The following STAB1 variants were observed in gnomAD, a reference collection of about 807,000 sequenced individuals.
STAB1 encodes stabilin 1, also known as stabilin-1.
In STAB1, 250 loss-of-function variants were observed where a neutral mutation model predicts 332.4. That is an observed-to-expected ratio of 0.75 (90% CI 0.68 to 0.84). STAB1 has a LOEUF of 0.84. Among genes scored for constraint, STAB1 ranks in the 40% least tolerant of loss-of-function variants. The probability of loss-of-function intolerance (pLI) is 0.00; values close to 1 mark genes in which losing one functional copy is unlikely to be tolerated. For missense variants in STAB1, 3,249 were observed against 3,489.7 expected (o/e 0.93, Z 1.74); for synonymous variants, 1,475 against 1,390.4 (o/e 1.06, Z -1.35).
At position 52,518,828 on chromosome 3, in the gene STAB1, A is replaced by AGAGGAC. The variant is rs747679196; in HGVS notation, c.4993_4994insGAGGAC (p.Thr1665delinsArgGlyPro). 1 of 1,609,164 alleles carries AGAGGAC rather than the reference A, an allele frequency of 6.2e-7. No individual in the cohort carries two copies. Among genetic ancestry groups the AGAGGAC allele is most frequent in the Non-Finnish European group, 8.5e-7 (1 of 1,179,332 alleles). On this transcript the variant is annotated protein_altering_variant, in exon 48 of 69. Coordinates refer to ENST00000321725, the MANE Select transcript of STAB1 (RefSeq NM_015136.3). ...GGACCTGCTGGAGCAGGGGTACGCC[A>AGAGGAC]CGGCCCTCTCAGGGCACCCACTGCG...
chr3:52,519,231 A>G, intron 48 of STAB1, 33 bp from the exon 49 acceptor site: 1 of 1,596,892 alleles, frequency 6.3e-7, no homozygotes, highest in Non-Finnish European at 8.5e-7. Context: ...CACCCCACCT[A>G]TCTGCTTCAT....
In STAB1 at chr3:52,516,683, C is replaced by T; in HGVS notation, c.4287-9C>T. 6.2e-7 allele frequency: 1 copy of T among 1,612,436 alleles called. No homozygotes were observed. The highest frequency in any genetic ancestry group is 8.5e-7 in the Non-Finnish European group (1 of 1,179,906). ...GCATGGGCTAAGCTGCTGCTACCAC[C>T]CCTCCCAGCTGCGTGCAGGACTCGG... On this transcript the variant is annotated splice_polypyrimidine_tract_variant and intron_variant, in intron 40 of 68. Coordinates refer to ENST00000321725, the MANE Select transcript of STAB1 (RefSeq NM_015136.3).
chr3:52,513,633 C>T, intron 30 of STAB1, 84 bp from the exon 31 acceptor site: 1 of 1,408,802 alleles, frequency 7.1e-7, no homozygotes, highest in South Asian at 1.2e-5. Context: ...GCCTGTGTGC[C>T]TGGCAGTCTC....
At chr3:52,509,188 C>T (rs1241593072) in intron 21 of STAB1, 22 bp from the exon 22 acceptor site, 1 of 1,608,534 alleles carries the variant, frequency 6.2e-7, no homozygotes, top group Non-Finnish European at 8.5e-7. Context: ...ATGACTGATC[C>T]TGCCTTCTGC....
rs768708874 is a variant in STAB1 at position 52,504,105 on chromosome 3, C to T, written c.1100C>T (p.Thr367Met). The change falls in exon 10 of 69, where the codon ACG (threonine) becomes ATG (methionine). Residue 367 changes from threonine (T) to methionine (M), a missense_variant. Thr to Met is a moderately conservative substitution (Grantham distance 81). Coordinates refer to ENST00000321725, the MANE Select transcript of STAB1 (RefSeq NM_015136.3). ...CTGCTCCACGAGGTGCAGAAGGCCA[C>T]GCAGACAGGCCGGGTGTTCCTGCAG... ...GHLLHEVQKA[T>M]QTGRVFLQLR... The T allele has an allele frequency of 3.2e-5, 51 of 1,590,936 alleles. No homozygotes were observed. Among genetic ancestry groups the T allele is most frequent in the South Asian group, 6.8e-5 (6 of 88,100 alleles).
chr3:52,511,796 T>A, intron 26 of STAB1, 51 bp downstream of exon 26: 1 of 1,422,608 alleles, frequency 7.0e-7, no homozygotes, highest in South Asian at 1.3e-5. Flanking sequence ...GGGGTGAGCC[T>A]GGGCTGCAGC....
intron 30 of STAB1, among the ~76,000 whole-genome samples, chr3:52,513,446 G>T (rs1328488342): frequency 1.3e-5 from 2 of 152,186 alleles, no homozygotes; most frequent in Non-Finnish European, 2.9e-5. Context: ...GCCTGCAGGG[G>T]CTCTCTGTCC....
rs199702251 is a variant in STAB1 at position 52,522,129 on chromosome 3, G to A, written c.6364G>A (p.Asp2122Asn). The change falls in exon 59 of 69, where the codon GAC (aspartate) becomes AAC (asparagine). Residue 2122 changes from aspartate to asparagine, a missense_variant. By Grantham distance (23) the Asp-to-Asn change is conservative. Coordinates refer to ENST00000321725, the MANE Select transcript of STAB1 (RefSeq NM_015136.3). Reference sequence around the variant, plus strand: ...AATGGTCACTTGTACCTGCCTGCCCGACTACGAGGGTGATGGCTGGAGCTG... The same window carrying A: ...AATGGTCACTTGTACCTGCCTGCCCAACTACGAGGGTGATGGCTGGAGCTG... ...GTMVTCTCLP[D>N]YEGDGWSCRA... is the part of the protein sequence containing the mutation. 7.8e-5 allele frequency: 126 copies of A among 1,612,930 alleles called. 1 individual carries two copies. The highest frequency in any genetic ancestry group is 2.0e-4 in the South Asian group (18 of 91,086).
At chr3:52,506,908 G>C in intron 18 of STAB1, 58 bp downstream of exon 18, 2 of 1,585,962 alleles carry the variant, frequency 1.3e-6, no homozygotes, top group Middle Eastern at 3.4e-4. Context: ...GCGCTGGAGC[G>C]GCAATCCTCT....
chr3:52,512,319 C>T (rs1559695692), intron 26 of STAB1, 22 bp from the exon 27 acceptor site: 1 of 1,609,666 alleles, frequency 6.2e-7, no homozygotes. Context: ...TGAATGGAGG[C>T]CCTTTCTCAC....
Position 52,505,729 on chromosome 3 carries a change from A to G in STAB1, c.1643A>G (p.Asn548Ser). The change falls in exon 15 of 69, where the codon AAT becomes AGT. Residue 548 changes from asparagine (N) to serine (S), a missense_variant. By Grantham distance (46) the Asn-to-Ser change is conservative. Coordinates refer to ENST00000321725, the MANE Select transcript of STAB1 (RefSeq NM_015136.3). ...PGPFTVFAPS[N>S]EAVDSLRDGR... ...CCCTTCACAGTCTTTGCCCCAAGCA[A>G]TGAGGCTGTGGACAGCTTGCGTGAC... is the stretch of plus-strand genomic sequence containing the variant. The G allele has an allele frequency of 1.2e-6, 2 of 1,613,868 alleles. No individual in the cohort carries two copies. The highest frequency in any genetic ancestry group is 2.2e-5 in the South Asian group (2 of 91,084).
In STAB1 at chr3:52,501,223, T is replaced by C; in HGVS notation, c.136T>C (p.Ser46Pro). ...TTFVTHVPCT[S>P]CAAIKKQTCP... ...GTTTGTCACTCATGTACCCTGCACC[T>C]CGTGCGCGGCCATCAAGAAGCAGAC... is the stretch of plus-strand genomic sequence containing the variant. The change falls in exon 2 of 69, where the codon TCG becomes CCG. Residue 46 changes from serine (S) to proline (P), a missense_variant. Coordinates refer to ENST00000321725, the MANE Select transcript of STAB1 (RefSeq NM_015136.3). 1 of 1,613,754 alleles carries C rather than the reference T, an allele frequency of 6.2e-7. No individual in the cohort carries two copies. Among genetic ancestry groups the C allele is most frequent in the East Asian group, 2.2e-5 (1 of 44,876 alleles).
rs957741642 is a variant in STAB1 at position 52,518,368 on chromosome 3, C to T, written c.4809+9C>T. On this transcript the variant is annotated intron_variant, in intron 46 of 68. Transcript: ENST00000321725. ...TCAGCCTCCGCCTCCTGGTGAGTGG[C>T]CAGCTTGGGCCTCTGTGACCTGCAA... 5 of 1,611,416 alleles carry T rather than the reference C, an allele frequency of 3.1e-6. No homozygotes were observed. The East Asian group carries it at 1.1e-4, about 36-fold the overall frequency.
Position 52,516,025 on chromosome 3 carries a change from C to G in STAB1, c.3949-18C>G. On this transcript the variant is annotated intron_variant, in intron 37 of 68. Transcript: ENST00000321725. The stretch of plus-strand genomic sequence containing the variant: ...TGCTGGGCCTCTCTCGCCCTCTCTC[C>G]CATCCCCACGCCGACAGGTGCCGGA... The G allele has an allele frequency of 6.3e-7, 1 of 1,590,266 alleles. No homozygotes were observed.
At chr3:52,504,289 T>C in intron 10 of STAB1, 134 bp downstream of exon 10, 5 of 1,451,532 alleles carry the variant, frequency 3.4e-6, no homozygotes, top group African/African-American at 1.4e-5. Context: ...CTGTGGGGGG[T>C]GCATGCAGGG....
intron 15 of STAB1, 23 bp from the exon 16 acceptor site, chr3:52,505,860 A>G: frequency 6.2e-7 from 1 of 1,613,970 alleles, no homozygotes; most frequent in South Asian, 1.1e-5. Context: ...TCCAGGAGCC[A>G]AACCCTCTCT....
Position 52,521,874 on chromosome 3 carries a change from C to T in STAB1, c.6194C>T (p.Ala2065Val), listed in dbSNP as rs1254940104. 6.2e-7 allele frequency: 1 copy of T among 1,604,566 alleles called. No individual in the cohort carries two copies. The highest frequency in any genetic ancestry group is 1.7e-5 in the Admixed American group (1 of 59,614). The change falls in exon 58 of 69, where the codon GCA becomes GTA. Residue 2065 changes from alanine (A) to valine (V), a missense_variant. By Grantham distance (64) the Ala-to-Val change is moderately conservative (BLOSUM62 0). Transcript: ENST00000321725. ...CAGCCTGTGTGTACCCCACCCTGTG[C>T]ACCCGAGGCTGTGTGCCGTGCAGGC... is the stretch of plus-strand genomic sequence containing the variant. ...ELQPVCTPPCAPEAVCRAGNS... is the reference protein window; with the variant it reads ...ELQPVCTPPCVPEAVCRAGNS...
chr3:52,519,440 G>A (rs138970225), intron 49 of STAB1, 36 bp downstream of exon 49: 18,251 of 1,611,830 alleles, frequency 0.011, 158 homozygotes, highest in Middle Eastern at 0.013. Context: ...TGGAAGACAG[G>A]CAGGTGGGGG....
Position 52,501,711 on chromosome 3 carries a change from C to T in STAB1, c.289C>T (p.Gln97Ter). Reference sequence around the variant, plus strand: ...ACGGAAGTGCCGGAAGCAAGTGGTGCAGAAGGCCTGCTGCCCTGGCTACTG... The same window carrying T: ...ACGGAAGTGCCGGAAGCAAGTGGTGTAGAAGGCCTGCTGCCCTGGCTACTG... The part of the protein sequence containing the change: ...CRRKCRKQVV[Q>*]KACCPGYWGS... The change falls in exon 3 of 69, where the codon CAG becomes TAG. Residue 97 changes from glutamine (Q) to a stop codon, truncating the protein, a stop_gained. Coordinates refer to ENST00000321725, the MANE Select transcript of STAB1 (RefSeq NM_015136.3). LOFTEE classifies it high-confidence loss of function. The T allele has an allele frequency of 1.3e-6, 2 of 1,579,702 alleles. No homozygotes were observed. The highest frequency in any genetic ancestry group is 1.7e-6 in the Non-Finnish European group (2 of 1,163,768).
Sources: gnomAD v4.1 joint callset for allele counts (sites outside exome capture counted in the v4.1 genomes callset) on GRCh38, gnomAD v4.1.1 for gene constraint, MANE v1.5 for transcripts, NCBI Gene and HGNC (gene_info 2026-07-23, HGNC 2026-07-21) for gene names.